GDF10: variants seen among roughly 807,000 people sequenced by gnomAD.
GDF10 encodes the protein growth/differentiation factor 10.
A neutral mutation model predicts 32.1 loss-of-function variants in GDF10; 23 were observed. The ratio of observed to expected loss-of-function variants is 0.72; its 90% confidence interval spans 0.52 to 1.02. The LOEUF is 1.02. Ranked by LOEUF, GDF10 falls within the 50% of genes least tolerant of loss-of-function variation. The pLI, the probability that GDF10 is intolerant of heterozygous loss-of-function variation, is 0.00. For synonymous variants in GDF10, 328 were observed against 303.1 expected (o/e 1.08, Z -0.85); for missense variants, 764 against 673.9 (o/e 1.13, Z -1.48).
chr10:47,306,993 A>G (rs1320376264), intron 1 of GDF10, among the ~76,000 whole-genome samples: 1 of 152,062 alleles, frequency 6.6e-6, no homozygotes, highest in Non-Finnish European at 1.5e-5. Flanking sequence ...GTGACCTGTG[A>G]TGGAATGCAC....
At chr10:47,310,996 G>C (rs1555207727) in intron 2 of GDF10, among the ~76,000 whole-genome samples, 1 of 152,186 alleles carries the variant, frequency 6.6e-6, no homozygotes, top group African/African-American at 2.4e-5. Context: ...TGAAAAGCAG[G>C]AGAATCCATG....
In GDF10 at chr10:47,312,593, C is replaced by T. The variant is rs1555207866; in HGVS notation, c.1246-8C>T. The T allele has an allele frequency of 6.4e-7, 1 of 1,568,308 alleles. No homozygotes were observed. ...CTGAGGTAACCCTACTCCTTTTCTG[C>T]CTTGCAGATCGTTCGTCCATCCAAC... On this transcript the variant is annotated splice_region_variant and splice_polypyrimidine_tract_variant and intron_variant, in intron 2 of 2. Transcript: ENST00000580279.
rs782296129 is a variant in GDF10 at position 47,310,467 on chromosome 10, C to G, written c.991C>G (p.Leu331Val). 4 of 1,613,718 alleles carry G rather than the reference C, an allele frequency of 2.5e-6. No homozygotes were observed. Among genetic ancestry groups the G allele is most frequent in the Non-Finnish European group, 3.4e-6 (4 of 1,179,784 alleles). The part of the protein sequence containing the change: ...HQLWPSPFRA[L>V]KPRPGRKDRR... ...GCTGTGGCCCAGCCCCTTCCGGGCG[C>G]TGAAACCCCGGCCAGGGCGCAAAGA... Residue 331 changes from leucine to valine, a missense_variant, in exon 2 of 3, where the codon CTG (leucine) becomes GTG (valine). Coordinates refer to ENST00000580279, the MANE Select transcript of GDF10 (RefSeq NM_004962.5).
intron 1 of GDF10, among the ~76,000 whole-genome samples, chr10:47,305,185 G>A (rs1555207114): frequency 1.3e-5 from 2 of 152,228 alleles, no homozygotes; most frequent in Admixed American, 1.3e-4. Context: ...CCACTGGGCA[G>A]GAGGTCAGGG....
chr10:47,300,627 G>C lies in GDF10; in HGVS notation c.-25G>C. Reference sequence around the variant, plus strand: ...GCTCGCCTTCCTCCTCCTGGACTTCGGCCCTTTGCCGCCCTCACCACGCCA... The same window carrying C: ...GCTCGCCTTCCTCCTCCTGGACTTCCGCCCTTTGCCGCCCTCACCACGCCA... On this transcript the variant is annotated 5_prime_UTR_variant, in exon 1 of 3. Coordinates refer to ENST00000580279, the MANE Select transcript of GDF10 (RefSeq NM_004962.5). The C allele has an allele frequency of 6.4e-7, 1 of 1,563,590 alleles. No homozygotes were observed. The highest frequency in any genetic ancestry group is 1.2e-5 in the South Asian group (1 of 84,966).
rs921415370 is a variant in GDF10, at chr10:47,312,745, C to T, written c.1390C>T (p.Leu464=). ...LFLDENRNVV[L]KVYPNMSVDT... ...CCTGGATGAGAATCGGAATGTGGTT[C>T]TGAAGGTGTACCCCAACATGTCCGT... The change falls in exon 3 of 3, where the codon CTG becomes TTG. Residue 464 remains leucine, a synonymous_variant. Coordinates refer to ENST00000580279, the MANE Select transcript of GDF10 (RefSeq NM_004962.5). 1 of 1,606,206 alleles carries T rather than the reference C, an allele frequency of 6.2e-7. No individual in the cohort carries two copies. Among genetic ancestry groups the T allele is most frequent in the Non-Finnish European group, 8.5e-7 (1 of 1,175,984 alleles).
Position 47,312,694 on chromosome 10 carries a change from A to C in GDF10, c.1339A>C (p.Lys447Gln). ...CCCAGAGCCCTGCTGTGTTCCCGATAAGATGAACTCCCTTGGGGTCCTCTT... is the reference window on the plus strand; with the variant it reads ...CCCAGAGCCCTGCTGTGTTCCCGATCAGATGAACTCCCTTGGGGTCCTCTT... ...GIPEPCCVPD[K>Q]MNSLGVLFLD... Residue 447 changes from lysine to glutamine, a missense_variant, in exon 3 of 3, where the codon AAG (lysine) becomes CAG (glutamine). By Grantham distance (53) the Lys-to-Gln change is moderately conservative. Transcript: ENST00000580279. 6.2e-7 allele frequency: 1 copy of C among 1,610,708 alleles called. No individual in the cohort carries two copies. The highest frequency in any genetic ancestry group is 8.5e-7 in the Non-Finnish European group (1 of 1,178,118).
chr10:47,301,939 C>G (rs1488270829), intron 1 of GDF10, among the ~76,000 whole-genome samples: 1 of 152,038 alleles, frequency 6.6e-6, no homozygotes, highest in Admixed American at 6.6e-5. Flanking sequence ...TCAGATCTGT[C>G]ACTGGCTGTG....
rs1555207968 is a variant in GDF10, at chr10:47,313,518, G to A, written c.*726G>A. ...TTATACTTTCTATACTGTAGATTGT[G>A]TATGTTATGTGTTTTTATGGAAAGC... On this transcript the variant is annotated 3_prime_UTR_variant, in exon 3 of 3. Coordinates refer to ENST00000580279, the MANE Select transcript of GDF10 (RefSeq NM_004962.5). 6.6e-6 allele frequency: 1 copy of A among 152,558 alleles called. No homozygotes were observed. The highest frequency in any genetic ancestry group is 1.5e-5 in the Non-Finnish European group (1 of 68,028). 9.5% of individuals were successfully genotyped at this position (152,558 alleles called of 1,614,324 possible).
Position 47,312,582 on chromosome 10 carries a change from C to A in GDF10, c.1246-19C>A, listed in dbSNP as rs375858824. 1 of 1,550,608 alleles carries A rather than the reference C, an allele frequency of 6.4e-7. No individual in the cohort carries two copies. Among genetic ancestry groups the A allele is most frequent in the Non-Finnish European group, 8.8e-7 (1 of 1,141,932 alleles). ...TGAGGGCGGAGCTGAGGTAACCCTA[C>A]TCCTTTTCTGCCTTGCAGATCGTTC... is the stretch of plus-strand genomic sequence containing the variant. On this transcript the variant is annotated intron_variant, in intron 2 of 2. Coordinates refer to ENST00000580279, the MANE Select transcript of GDF10 (RefSeq NM_004962.5).
chr10:47,301,044 C>T (rs929003457), intron 1 of GDF10, 74 bp downstream of exon 1: 5 of 1,018,620 alleles, frequency 4.9e-6, no homozygotes, highest in Non-Finnish European at 6.8e-6. Context: ...CCCACCCGTG[C>T]ACCTCTACTT....
intron 1 of GDF10, among the ~76,000 whole-genome samples, chr10:47,308,467 T>C (rs1232040662): frequency 6.6e-6 from 1 of 152,150 alleles, no homozygotes; most frequent in Non-Finnish European, 1.5e-5. Flanking sequence ...TTCCCGCTCA[T>C]AGTCCCTTAA....
chr10:47,300,881 T>G lies in GDF10; in HGVS notation c.230T>G (p.Val77Gly). 1 of 1,588,926 alleles carries G rather than the reference T, an allele frequency of 6.3e-7. No homozygotes were observed. ...CCCAGCGCCCAGGACATGGTCGCTG[T>G]CCACATGCACAGGCTCTATGAGAAG... The part of the protein sequence containing the change: ...LGPSAQDMVA[V>G]HMHRLYEKYS... The change falls in exon 1 of 3, where the codon GTC (valine) becomes GGC (glycine). Residue 77 changes from valine (V) to glycine (G), a missense_variant. Coordinates refer to ENST00000580279, the MANE Select transcript of GDF10 (RefSeq NM_004962.5).
intron 1 of GDF10, among the ~76,000 whole-genome samples, chr10:47,306,538 C>T (rs1160817525): frequency 2.6e-5 from 4 of 152,192 alleles, no homozygotes; most frequent in South Asian, 2.1e-4. Context: ...TGAGGTCTAG[C>T]GGTGCAGTAG....
chr10:47,310,510 A>G lies in GDF10; in HGVS notation c.1034A>G (p.Gln345Arg). The change falls in exon 2 of 3, where the codon CAG (glutamine) becomes CGG (arginine). Residue 345 changes from glutamine (Q) to arginine (R), a missense_variant. Physicochemically the swap from Gln to Arg is conservative, Grantham distance 43 (BLOSUM62 1). Transcript: ENST00000580279. ...PGRKDRRKKG[Q>R]EVFMAASQVL... ...CGCAAAGACCGCAGGAAGAAGGGCC[A>G]GGAGGTGTTCATGGCCGCCTCGCAG... is the stretch of plus-strand genomic sequence containing the variant. 2 of 1,613,888 alleles carry G rather than the reference A, an allele frequency of 1.2e-6. No homozygotes were observed. Among genetic ancestry groups the G allele is most frequent in the Non-Finnish European group, 8.5e-7 (1 of 1,179,754 alleles).
intron 1 of GDF10, among the ~76,000 whole-genome samples, chr10:47,304,554 G>A (rs1281519669): frequency 1.3e-5 from 2 of 152,030 alleles, no homozygotes; most frequent in South Asian, 2.1e-4. Context: ...AGATATAACC[G>A]GAATTGTTAG....
At chr10:47,307,022 C>A (rs1408796216) in intron 1 of GDF10, among the ~76,000 whole-genome samples, 1 of 152,082 alleles carries the variant, frequency 6.6e-6, no homozygotes, top group African/African-American at 2.4e-5. Flanking sequence ...CCGGGGGCCT[C>A]GCTTGGACAG....
At chr10:47,306,554 A>G (rs1244775366) in intron 1 of GDF10, among the ~76,000 whole-genome samples, 1 of 152,252 alleles carries the variant, frequency 6.6e-6, no homozygotes, top group Admixed American at 6.5e-5. Context: ...AGTAGTGAAT[A>G]AAACTGGCAG....
intron 1 of GDF10, among the ~76,000 whole-genome samples, chr10:47,308,261 C>T (rs1226756274): frequency 6.6e-6 from 1 of 152,174 alleles, no homozygotes; most frequent in African/African-American, 2.4e-5. Flanking sequence ...CAGTCAAGGC[C>T]ACATGCTTGG....
Sources: gnomAD v4.1 joint callset for allele counts (sites outside exome capture counted in the v4.1 genomes callset) on GRCh38, gnomAD v4.1.1 for gene constraint, MANE v1.5 for transcripts, NCBI Gene and HGNC (gene_info 2026-07-23, HGNC 2026-07-21) for gene names.